The following HIBADH variants were observed in gnomAD, a reference collection of about 807,000 sequenced individuals.
HIBADH encodes the protein 3-hydroxyisobutyrate dehydrogenase.
In HIBADH, 25 loss-of-function variants were observed where a neutral mutation model predicts 36.1. That is an observed-to-expected ratio of 0.69 (90% confidence interval 0.50 to 0.97). HIBADH has a LOEUF of 0.97. HIBADH is among the 50% of genes least tolerant of loss of function. The pLI is 0.00. For synonymous variants in HIBADH, 160 were observed against 149.5 expected (o/e 1.07, Z -0.51); for missense variants, 421 against 418.0 (o/e 1.01, Z -0.06).
chr7:27,527,918 G>GTTTTTTTTTTT (rs746260280), intron 7 of HIBADH, among the ~76,000 whole-genome samples: 6 of 61,668 alleles, frequency 9.7e-5, no homozygotes, highest in South Asian at 8.5e-4. Context: ...CACACCCAGC[G>GTTTTTTTTTTT]TTTTTTTTTT....
chr7:27,628,570 T>C (rs1205704172), intron 4 of HIBADH, among the ~76,000 whole-genome samples: 4 of 152,108 alleles, frequency 2.6e-5, no homozygotes, highest in African/African-American at 4.8e-5. Flanking sequence ...TATGAGTTAA[T>C]AGTAAATTTT....
chr7:27,610,540 G>A (rs1313571075), intron 4 of HIBADH, among the ~76,000 whole-genome samples: 1 of 152,136 alleles, frequency 6.6e-6, no homozygotes, highest in Non-Finnish European at 1.5e-5. Flanking sequence ...AATTCTTACT[G>A]AGGTAAGAAT....
At chr7:27,642,642 G>GTT (rs71555706) in intron 2 of HIBADH, among the ~76,000 whole-genome samples, 16 of 97,426 alleles carry the variant, frequency 1.6e-4, no homozygotes, top group Non-Finnish European at 2.5e-4. Context: ...TAAATGTCTA[G>GTT]TTTTTTTTTT....
chr7:27,532,362 A>C (rs1784014540), intron 6 of HIBADH, among the ~76,000 whole-genome samples: 2 of 152,230 alleles, frequency 1.3e-5, no homozygotes, highest in Non-Finnish European at 2.9e-5. Flanking sequence ...AGAAAATAAA[A>C]AAAACACTGA....
chr7:27,631,635 TTC>T (rs1322587843), intron 3 of HIBADH, among the ~76,000 whole-genome samples: 1 of 152,226 alleles, frequency 6.6e-6, no homozygotes, highest in East Asian at 1.9e-4. Context: ...ACCAAAAGGT[TTC>T]TCAGAGCCAG....
intron 4 of HIBADH, among the ~76,000 whole-genome samples, chr7:27,605,666 A>C (rs962165367): frequency 1.3e-5 from 2 of 151,116 alleles, no homozygotes; most frequent in African/African-American, 4.9e-5. Flanking sequence ...ATCCCCTCCA[A>C]ATATTTCATT....
rs755544018 is a variant in HIBADH at position 27,662,746 on chromosome 7, G to A, written c.43C>T (p.Arg15Trp). ...LRLLGAASGL[R>W]YWSRRLRPAA... ...GGCCGCAGCCGCCGGCTCCAGTACC[G>A]GAGACCGGAGGCAGCTCCGAGGAGC... Residue 15 changes from arginine (R) to tryptophan (W), a missense_variant, in exon 1 of 8, where the codon CGG (arginine) becomes TGG (tryptophan). By Grantham distance (101) the Arg-to-Trp change is moderately radical. Transcript: ENST00000265395. 2.1e-6 allele frequency: 3 copies of A among 1,430,394 alleles called. No individual in the cohort carries two copies. Among genetic ancestry groups the A allele is most frequent in the Non-Finnish European group, 2.8e-6 (3 of 1,088,564 alleles). The allele number at this position is 1,430,394 out of a possible 1,614,324, so 88.6% of individuals were successfully genotyped here.
chr7:27,530,885 TAATG>T (rs1433647595), intron 7 of HIBADH, among the ~76,000 whole-genome samples: 13 of 151,932 alleles, frequency 8.6e-5, no homozygotes, highest in Admixed American at 3.9e-4. Context: ...TAACATAAAT[TAATG>T]GTGAACGAAA....
At chr7:27,574,161 G>A (rs1259974686) in intron 4 of HIBADH, among the ~76,000 whole-genome samples, 1 of 151,592 alleles carries the variant, frequency 6.6e-6, no homozygotes, top group Non-Finnish European at 1.5e-5. Flanking sequence ...CCAGAAATCA[G>A]AAAAGTCTGT....
At chr7:27,651,130 C>A (rs1398840976) in intron 1 of HIBADH, among the ~76,000 whole-genome samples, 1 of 152,138 alleles carries the variant, frequency 6.6e-6, no homozygotes, top group South Asian at 2.1e-4. Flanking sequence ...AGTTTCAGGT[C>A]CCCTCAACTG....
chr7:27,559,125 C>T (rs1036764957), intron 4 of HIBADH, among the ~76,000 whole-genome samples: 1 of 152,140 alleles, frequency 6.6e-6, no homozygotes, highest in Admixed American at 6.5e-5. Context: ...CCATCATCTT[C>T]CTTTTATGTG....
chr7:27,657,583 T>C (rs1007638054), intron 1 of HIBADH, among the ~76,000 whole-genome samples: 3 of 152,072 alleles, frequency 2.0e-5, no homozygotes, highest in South Asian at 4.2e-4. Flanking sequence ...TGAGGCCATG[T>C]TGGATGGGCC....
intron 4 of HIBADH, among the ~76,000 whole-genome samples, chr7:27,546,558 C>T (rs901417543): frequency 3.9e-5 from 6 of 151,994 alleles, no homozygotes; most frequent in African/African-American, 7.3e-5. Context: ...GGGTTTGGGC[C>T]GCACCTATAA....
At chr7:27,611,563 G>A (rs980667091) in intron 4 of HIBADH, among the ~76,000 whole-genome samples, 2 of 151,986 alleles carry the variant, frequency 1.3e-5, no homozygotes, top group Non-Finnish European at 2.9e-5. Flanking sequence ...TAAACAACAT[G>A]AGACATTAAA....
At chr7:27,617,354 T>A (rs1583600146) in intron 4 of HIBADH, among the ~76,000 whole-genome samples, 1 of 152,292 alleles carries the variant, frequency 6.6e-6, no homozygotes, top group Middle Eastern at 3.4e-3. Context: ...CTCTATGATG[T>A]TAGAACAATG....
At chr7:27,621,319 A>G (rs1785537758) in intron 4 of HIBADH, among the ~76,000 whole-genome samples, 1 of 152,352 alleles carries the variant, frequency 6.6e-6, no homozygotes, top group East Asian at 1.9e-4. Context: ...TCACCTAGAC[A>G]GGAAGTCAAG....
At chr7:27,572,815 A>G (rs1479009162) in intron 4 of HIBADH, among the ~76,000 whole-genome samples, 1 of 152,192 alleles carries the variant, frequency 6.6e-6, no homozygotes, top group Non-Finnish European at 1.5e-5. Context: ...TCTTGCTCAA[A>G]TTAAGAATTT....
rs867881713 is a variant in HIBADH, at chr7:27,602,700, T to A, written c.484+26671A>T. Among the ~76,000 whole-genome samples the A allele has an allele frequency of 8.6e-4, 131 of 152,048 alleles. 1 individual carries two copies. Among genetic ancestry groups the A allele is most frequent in the Non-Finnish European group, 3.4e-4 (23 of 68,010 alleles). ...CAAGGCGTCAGTCTTTAAAAAAAATTTTTTTAAACCTGAAGATTACTGACA... is the reference window on the plus strand; with the variant it reads ...CAAGGCGTCAGTCTTTAAAAAAAATATTTTTAAACCTGAAGATTACTGACA... On this transcript the variant is annotated intron_variant, in intron 4 of 7. Coordinates refer to ENST00000265395, the MANE Select transcript of HIBADH (RefSeq NM_152740.4).
intron 1 of HIBADH, among the ~76,000 whole-genome samples, chr7:27,652,394 A>G (rs914252004): frequency 6.7e-6 from 1 of 149,034 alleles, no homozygotes; most frequent in African/African-American, 2.5e-5. Flanking sequence ...TAGTTATTGA[A>G]ACAGTGGGCA....
Sources: allele counts gnomAD v4.1 joint callset (sites outside exome capture counted in the v4.1 genomes callset), GRCh38; gene constraint gnomAD v4.1.1; transcripts MANE v1.5; gene names NCBI Gene and HGNC (gene_info 2026-07-23, HGNC 2026-07-21).